PDE4D: variants seen among roughly 807,000 people sequenced by gnomAD.
PDE4D encodes the protein phosphodiesterase 4D.
Under a neutral mutation model 87.4 loss-of-function variants are expected in PDE4D, and 24 were observed. That is an observed-to-expected ratio of 0.27 (90% CI 0.20 to 0.39). PDE4D has a LOEUF of 0.39. Among genes scored for constraint, PDE4D ranks in the 10% least tolerant of loss-of-function variants. The pLI is 1.00. For synonymous variants in PDE4D, 384 were observed against 383.2 expected, an observed-to-expected ratio of 1.00 and a Z score of -0.02; for missense variants, 714 against 1,041.0, an observed-to-expected ratio of 0.69 and a Z score of 4.32.
intron 1 of PDE4D, among the ~76,000 whole-genome samples, chr5:59,594,281 T>A (rs899196226): frequency 6.7e-6 from 1 of 150,238 alleles, no homozygotes; most frequent in African/African-American, 2.5e-5. Flanking sequence ...ACCACCCACA[T>A]AACTTTTTTA....
At chr5:59,794,139 A>G (rs71627970) in intron 1 of PDE4D, among the ~76,000 whole-genome samples, 36 of 3,142 alleles carry the variant, frequency 0.011, no homozygotes, top group Non-Finnish European at 0.019. Flanking sequence ...ACAGAGGCGC[A>G]CACACACACA....
chr5:59,449,554 C>A (rs1019449518), intron 1 of PDE4D, among the ~76,000 whole-genome samples: 1 of 152,214 alleles, frequency 6.6e-6, no homozygotes, highest in Admixed American at 6.5e-5. Context: ...CCTCTTCTTA[C>A]CTGCCACAAA....
intron 5 of PDE4D, among the ~76,000 whole-genome samples, chr5:59,065,061 TATATATACACACACACACACAC>T (rs1433189692): frequency 3.0e-3 from 50 of 16,538 alleles, no homozygotes; most frequent in East Asian, 0.023. Context: ...AAATGTGATA[TATATATACACACACACACACAC>T]ACACACACAC....
At chr5:59,283,849 T>C (rs1398012392) in intron 1 of PDE4D, among the ~76,000 whole-genome samples, 2 of 152,186 alleles carry the variant, frequency 1.3e-5, no homozygotes, top group Non-Finnish European at 2.9e-5. Context: ...TTGCAGTATA[T>C]GGCAACACAC....
chr5:58,989,385 A>G (rs1212937620), intron 10 of PDE4D, among the ~76,000 whole-genome samples: 1 of 152,170 alleles, frequency 6.6e-6, no homozygotes, highest in Admixed American at 6.6e-5. Flanking sequence ...CTATGAAAAA[A>G]TATCAATATA....
intron 1 of PDE4D, among the ~76,000 whole-genome samples, chr5:60,205,471 C>G (rs1742390825): frequency 6.6e-6 from 1 of 152,134 alleles, no homozygotes; most frequent in South Asian, 2.1e-4. Context: ...TGCACCCAGC[C>G]TGATCCACCT....
chr5:59,678,182 TAAATC>T (rs1283867663), intron 1 of PDE4D, among the ~76,000 whole-genome samples: 2 of 152,218 alleles, frequency 1.3e-5, no homozygotes, highest in African/African-American at 4.8e-5. Context: ...TGAGCAATGT[TAAATC>T]AAATTCTTGC....
intron 1 of PDE4D, among the ~76,000 whole-genome samples, chr5:59,861,439 T>C (rs1051417943): frequency 6.6e-6 from 1 of 152,162 alleles, no homozygotes; most frequent in African/African-American, 2.4e-5. Flanking sequence ...ATAGGTAGAC[T>C]TCTACTTCTA....
At chr5:60,120,527 C>T (rs1323537295) in intron 2 of PDE4D, among the ~76,000 whole-genome samples, 1 of 152,140 alleles carries the variant, frequency 6.6e-6, no homozygotes, top group East Asian at 1.9e-4. Flanking sequence ...TCTAGAGTAA[C>T]TCTTCCCCTG....
intron 5 of PDE4D, among the ~76,000 whole-genome samples, chr5:59,077,755 A>T (rs139498124): frequency 0.012 from 1,835 of 152,220 alleles, 47 homozygotes; most frequent in African/African-American, 0.042. Context: ...GCAAGGATAC[A>T]CACCTTCCAT....
At chr5:59,986,911 C>T (rs1056773869) in intron 3 of PDE4D, 1 of 152,188 alleles carries the variant, frequency 6.6e-6, no homozygotes, top group Admixed American at 6.5e-5. Flanking sequence ...GAACACATTT[C>T]ACAAGTGTTG....
intron 1 of PDE4D, among the ~76,000 whole-genome samples, chr5:59,257,838 C>T (rs912905891): frequency 1.3e-5 from 2 of 151,918 alleles, no homozygotes; most frequent in African/African-American, 4.8e-5. Context: ...ATGTCAGAAG[C>T]CTTTCCTTTT....
At chr5:59,599,601 C>G (rs1016581284) in intron 1 of PDE4D, among the ~76,000 whole-genome samples, 1 of 152,080 alleles carries the variant, frequency 6.6e-6, no homozygotes, top group Non-Finnish European at 1.5e-5. Flanking sequence ...GCAATAGAGA[C>G]CTTTGCATTC....
intron 1 of PDE4D, among the ~76,000 whole-genome samples, chr5:59,467,871 G>T (rs990969810): frequency 1.3e-5 from 2 of 152,096 alleles, no homozygotes; most frequent in Non-Finnish European, 2.9e-5. Flanking sequence ...TCTGGGTGAA[G>T]TTTATACATA....
At chr5:59,191,753 T>C (rs1744370075) in intron 3 of PDE4D, among the ~76,000 whole-genome samples, 1 of 152,076 alleles carries the variant, frequency 6.6e-6, no homozygotes, top group Non-Finnish European at 1.5e-5. Context: ...GTATTTTTAG[T>C]AGAGACAGGG....
In PDE4D at chr5:60,257,222, G is replaced by GAGAAAGAAAGAAAGAA. The variant is rs142753730; in HGVS notation, c.-89-71551_-89-71536dup. Among the ~76,000 whole-genome samples, 235 of 143,230 alleles carry GAGAAAGAAAGAAAGAA rather than the reference G, an allele frequency of 1.6e-3. 2 individuals are homozygous for GAGAAAGAAAGAAAGAA. The highest frequency in any genetic ancestry group is 6.0e-3 in the African/African-American group (226 of 37,694). The allele number at this position is 143,230 out of a possible 152,430, so 94.0% of individuals were successfully genotyped here. ...AGAAAGAATGAATGAAAGAAAGAAA[G>GAGAAAGAAAGAAAGAA]AGAAAGAAAGAAAGAAAGAAAGAAA... On this transcript the variant is annotated intron_variant, in intron 1 of 16. Coordinates refer to the PDE4D transcript ENST00000502484.
intron 3 of PDE4D, among the ~76,000 whole-genome samples, chr5:59,921,965 T>C (rs1352012489): frequency 6.6e-6 from 1 of 152,154 alleles, no homozygotes; most frequent in African/African-American, 2.4e-5. Flanking sequence ...AAAGAAAGTC[T>C]TGAATGGCCG....
intron 3 of PDE4D, among the ~76,000 whole-genome samples, chr5:59,969,657 A>AT (rs1760475786): frequency 6.6e-6 from 1 of 152,128 alleles, no homozygotes; most frequent in Non-Finnish European, 1.5e-5. Flanking sequence ...GTAGAAGGTA[A>AT]TTGAACCATG....
chr5:59,806,220 T>C (rs951300328), intron 1 of PDE4D, among the ~76,000 whole-genome samples: 1 of 152,156 alleles, frequency 6.6e-6, no homozygotes, highest in Admixed American at 6.5e-5. Flanking sequence ...AAGCCATATC[T>C]GGATTTTACT....
Sources: gnomAD v4.1 joint callset for allele counts (sites outside exome capture counted in the v4.1 genomes callset) on GRCh38, gnomAD v4.1.1 for gene constraint, MANE v1.5 for transcripts, NCBI Gene and HGNC (gene_info 2026-07-23, HGNC 2026-07-21) for gene names.